Variants in ELP4 observed in about 807,000 individuals in gnomAD.
ELP4 encodes the protein elongator complex protein 4.
A neutral mutation model predicts 48.9 loss-of-function variants in ELP4; 51 were observed. The ratio of observed to expected loss-of-function variants is 1.04; its 90% confidence interval spans 0.83 to 1.32. The LOEUF (loss-of-function observed/expected upper bound fraction) is 1.32. Among genes scored for constraint, ELP4 ranks in the 40% most tolerant of loss-of-function variants. ELP4 has a pLI of 0.00. For synonymous variants in ELP4, 210 were observed against 189.2 expected, an observed-to-expected ratio of 1.11 and a Z score of -0.90; for missense variants, 519 against 514.6, an observed-to-expected ratio of 1.01 and a Z score of -0.08.
chr11:31,766,158 T>A (rs1019102564), intron 9 of ELP4, among the ~76,000 whole-genome samples: 1 of 152,108 alleles, frequency 6.6e-6, no homozygotes, highest in Non-Finnish European at 1.5e-5. Context: ...ACCCAGTTCT[T>A]ATGCATGTGA....
intron 9 of ELP4, among the ~76,000 whole-genome samples, chr11:31,756,808 T>C (rs1234612462): frequency 6.6e-6 from 1 of 152,230 alleles, no homozygotes; most frequent in Non-Finnish European, 1.5e-5. Context: ...TGTAATTTAT[T>C]TTACCTGATT....
intron 2 of ELP4, among the ~76,000 whole-genome samples, chr11:31,538,049 A>G (rs1956530185): frequency 6.6e-6 from 1 of 152,078 alleles, no homozygotes; most frequent in Non-Finnish European, 1.5e-5. Context: ...TGTACTTTTC[A>G]CTGTAGAACT....
rs897607953 is a variant in ELP4 at position 31,784,903 on chromosome 11, T to C, written c.*1379T>C. On this transcript the variant is annotated 3_prime_UTR_variant, in exon 10 of 10. Transcript: ENST00000640961. Reference sequence around the variant, plus strand: ...GTCACTACCAGTTTATTTTTTGTGATCAAAATCAAAAAGACAACTATTTTG... The same window carrying C: ...GTCACTACCAGTTTATTTTTTGTGACCAAAATCAAAAAGACAACTATTTTG... 5.6e-6 allele frequency: 1 copy of C among 179,684 alleles called. No individual in the cohort carries two copies. Among genetic ancestry groups the C allele is most frequent in the Non-Finnish European group, 1.2e-5 (1 of 83,910 alleles). 11.1% of individuals were successfully genotyped at this position (179,684 alleles called of 1,614,324 possible).
intron 9 of ELP4, among the ~76,000 whole-genome samples, chr11:31,742,512 T>C (rs1947478550): frequency 6.6e-6 from 1 of 152,176 alleles, no homozygotes; most frequent in Admixed American, 6.5e-5. Flanking sequence ...AAGGTCGGGT[T>C]ACCCACAAAG....
At chr11:31,549,727 G>C (rs1320966711) in intron 3 of ELP4, among the ~76,000 whole-genome samples, 1 of 152,072 alleles carries the variant, frequency 6.6e-6, no homozygotes, top group Non-Finnish European at 1.5e-5. Context: ...GCAAAGACTT[G>C]GTACCTACCC....
At chr11:31,735,470 G>T (rs1412684849) in intron 9 of ELP4, among the ~76,000 whole-genome samples, 1 of 152,270 alleles carries the variant, frequency 6.6e-6, no homozygotes, top group South Asian at 2.1e-4. Context: ...GGAAGTTCTG[G>T]CCAGGGCAAT....
intron 9 of ELP4, among the ~76,000 whole-genome samples, chr11:31,717,735 C>T (rs541647878): frequency 1.8e-4 from 27 of 147,958 alleles, no homozygotes; most frequent in African/African-American, 5.5e-4. Flanking sequence ...ACCTGGGAGA[C>T]AGAGTGACAC....
At chr11:31,589,007 A>G (rs528795596) in intron 3 of ELP4, among the ~76,000 whole-genome samples, 1 of 152,276 alleles carries the variant, frequency 6.6e-6, no homozygotes, top group Admixed American at 6.5e-5. Flanking sequence ...TAATTAAAAA[A>G]CAAATAACAT....
At chr11:31,519,988 C>T (rs765893575) in intron 1 of ELP4, 68 bp from the exon 2 acceptor site, 2 of 1,503,206 alleles carry the variant, frequency 1.3e-6, no homozygotes, top group Non-Finnish European at 9.2e-7. Context: ...CTTCATAAAG[C>T]CTAACTTTTA....
chr11:31,632,375 C>A lies in ELP4; in HGVS notation c.897C>A (p.Cys299Ter), dbSNP rs137942561. Residue 299 changes from cysteine (C) to a stop codon, truncating the protein, a stop_gained, in exon 7 of 10, where the codon TGC becomes TGA. Transcript: ENST00000640961. LOFTEE classifies it high-confidence loss of function. ...TTCTGAGAACCTCTCTTTCAGCCTGCATCATCACAATGCCAACACATCTGA... is the reference window on the plus strand; with the variant it reads ...TTCTGAGAACCTCTCTTTCAGCCTGAATCATCACAATGCCAACACATCTGA... ...RGLLRTSLSACIITMPTHLIQ... is the reference protein window; with the variant it reads ...RGLLRTSLSA The A allele has an allele frequency of 1.2e-6, 2 of 1,611,814 alleles. No individual in the cohort carries two copies. Among genetic ancestry groups the A allele is most frequent in the South Asian group, 2.2e-5 (2 of 90,658 alleles).
chr11:31,623,390 T>TATATGTATATAA (rs67986763), intron 5 of ELP4, among the ~76,000 whole-genome samples: 1 of 92,610 alleles, frequency 1.1e-5, no homozygotes, highest in Non-Finnish European at 2.3e-5. Context: ...TATATATATA[T>TATATGTATATAA]AAAACTAGAA....
chr11:31,752,160 ACT>A (rs1491031687), intron 9 of ELP4, among the ~76,000 whole-genome samples: 2 of 152,196 alleles, frequency 1.3e-5, no homozygotes, highest in Admixed American at 6.5e-5. Flanking sequence ...TCACACACAC[ACT>A]CACACACACT....
intron 9 of ELP4, among the ~76,000 whole-genome samples, chr11:31,717,984 C>T (rs527324123): frequency 6.6e-6 from 1 of 151,908 alleles, no homozygotes; most frequent in African/African-American, 2.4e-5. Context: ...TTTAATGGAC[C>T]CGGGGTCTCA....
At chr11:31,745,845 T>G (rs1565137840) in intron 9 of ELP4, among the ~76,000 whole-genome samples, 3 of 152,160 alleles carry the variant, frequency 2.0e-5, no homozygotes, top group East Asian at 3.9e-4. Flanking sequence ...GGACTTCATG[T>G]CTAAAACACC....
chr11:31,755,250 G>A (rs1947809113), intron 9 of ELP4, among the ~76,000 whole-genome samples: 1 of 152,112 alleles, frequency 6.6e-6, no homozygotes, highest in Non-Finnish European at 1.5e-5. Context: ...TAATGAATTA[G>A]TAAATCTAGA....
At chr11:31,687,823 A>T (rs1262211474) in intron 9 of ELP4, 1 of 152,220 alleles carries the variant, frequency 6.6e-6, no homozygotes, top group Non-Finnish European at 1.5e-5. Context: ...TTCTATAATT[A>T]ATCATTCTAT....
intron 9 of ELP4, among the ~76,000 whole-genome samples, chr11:31,755,361 T>C (rs1040400566): frequency 2.0e-5 from 3 of 152,214 alleles, no homozygotes; most frequent in African/African-American, 7.2e-5. Context: ...GGGTAGAAAT[T>C]TGAGCAAGGT....
chr11:31,714,592 G>A (rs888123548), intron 9 of ELP4: 14 of 398,268 alleles, frequency 3.5e-5, no homozygotes, highest in Non-Finnish European at 5.3e-5. Flanking sequence ...ATTTTAGTGG[G>A]TTGAACAATA....
intron 9 of ELP4, among the ~76,000 whole-genome samples, chr11:31,724,109 A>C (rs1362455864): frequency 6.6e-6 from 1 of 152,182 alleles, no homozygotes; most frequent in Non-Finnish European, 1.5e-5. Flanking sequence ...TATGTAGCTA[A>C]TTAATGACAG....
Sources: gnomAD v4.1 joint callset for allele counts (sites outside exome capture counted in the v4.1 genomes callset) on GRCh38, gnomAD v4.1.1 for gene constraint, MANE v1.5 for transcripts, NCBI Gene and HGNC (gene_info 2026-07-23, HGNC 2026-07-21) for gene names.